ETV1: variants seen among roughly 807,000 people sequenced by gnomAD.
ETV1 encodes ETS variant transcription factor 1, also known as ETS translocation variant 1.
Under a neutral mutation model 62.3 loss-of-function variants are expected in ETV1, and 27 were observed. The ratio of observed to expected loss-of-function variants is 0.43; its 90% CI spans 0.32 to 0.60. ETV1 has a LOEUF of 0.60. ETV1 is among the 20% of genes least tolerant of loss of function. ETV1 has a pLI of 0.06. For missense variants in ETV1, 605 were observed against 605.8 expected (o/e 1.00, Z 0.01); for synonymous variants, 222 against 199.6 (o/e 1.11, Z -0.94).
chr7:13,918,595 T>C (rs544958567), intron 9 of ETV1, among the ~76,000 whole-genome samples: 46 of 151,050 alleles, frequency 3.0e-4, no homozygotes, highest in African/African-American at 1.0e-3. Flanking sequence ...ATGGATGAAA[T>C]TGGAAATCAT....
At chr7:13,915,563 TTA>T (rs1452148849) in intron 9 of ETV1, among the ~76,000 whole-genome samples, 1 of 152,176 alleles carries the variant, frequency 6.6e-6, no homozygotes, top group African/African-American at 2.4e-5. Flanking sequence ...AGCTCATAGT[TTA>T]TGTTTAAAAT....
chr7:13,906,366 A>C, intron 12 of ETV1, 64 bp downstream of exon 12: 6 of 1,107,964 alleles, frequency 5.4e-6, no homozygotes, highest in Non-Finnish European at 7.4e-6. Context: ...ATATTAATCA[A>C]ATGTGTCAGT....
At chr7:13,926,953 T>C (rs1785494486) in intron 9 of ETV1, among the ~76,000 whole-genome samples, 1 of 152,168 alleles carries the variant, frequency 6.6e-6, no homozygotes, top group Non-Finnish European at 1.5e-5. Context: ...TAATTATAAT[T>C]ATAACTAATA....
At chr7:13,923,401 A>T (rs1430562230) in intron 9 of ETV1, among the ~76,000 whole-genome samples, 1 of 152,210 alleles carries the variant, frequency 6.6e-6, no homozygotes, top group Non-Finnish European at 1.5e-5. Flanking sequence ...ATATAAAAAC[A>T]TTCCTCTCTT....
At chr7:13,923,402 T>C (rs993783531) in intron 9 of ETV1, among the ~76,000 whole-genome samples, 9 of 152,180 alleles carry the variant, frequency 5.9e-5, no homozygotes, top group Admixed American at 3.9e-4. Flanking sequence ...TATAAAAACA[T>C]TCCTCTCTTG....
At chr7:13,912,286 C>T (rs201340569) in intron 9 of ETV1, among the ~76,000 whole-genome samples, 10 of 152,222 alleles carry the variant, frequency 6.6e-5, no homozygotes, top group Middle Eastern at 3.4e-3. Context: ...GAGAAATTCA[C>T]TATTTAATGT....
chr7:13,900,249 G>C (rs533159151), intron 13 of ETV1: 1 of 152,590 alleles, frequency 6.6e-6, no homozygotes, highest in Non-Finnish European at 1.5e-5. Context: ...GAATGGTTTA[G>C]GATGTCAAAC....
At chr7:13,948,468 G>C (rs189483269) in intron 6 of ETV1, among the ~76,000 whole-genome samples, 1 of 152,258 alleles carries the variant, frequency 6.6e-6, no homozygotes, top group Admixed American at 6.5e-5. Flanking sequence ...GCGTTTTCTG[G>C]TCTGTTCAAA....
At chr7:13,923,548 G>T (rs1459970600) in intron 9 of ETV1, among the ~76,000 whole-genome samples, 2 of 152,080 alleles carry the variant, frequency 1.3e-5, no homozygotes, top group African/African-American at 2.4e-5. Context: ...TTAACATAAG[G>T]TAAATATTTT....
chr7:13,984,803 G>C (rs1782377250), intron 5 of ETV1, among the ~76,000 whole-genome samples: 1 of 151,816 alleles, frequency 6.6e-6, no homozygotes, highest in Admixed American at 6.6e-5. Context: ...CTTCAGGTTT[G>C]ATTTACAGGT....
chr7:13,940,203 A>G (rs1787315802), intron 6 of ETV1, among the ~76,000 whole-genome samples: 1 of 152,056 alleles, frequency 6.6e-6, no homozygotes, highest in Admixed American at 6.6e-5. Context: ...TCTCAACAAA[A>G]ATACAAAAAT....
At chr7:13,909,263 C>G (rs1407795304) in intron 11 of ETV1, among the ~76,000 whole-genome samples, 1 of 152,042 alleles carries the variant, frequency 6.6e-6, no homozygotes, top group Non-Finnish European at 1.5e-5. Context: ...TCGGTCCATC[C>G]ACAGCAGCAC....
intron 7 of ETV1, among the ~76,000 whole-genome samples, chr7:13,937,805 T>A (rs1446580806): frequency 1.3e-5 from 2 of 152,224 alleles, no homozygotes; most frequent in Admixed American, 1.3e-4. Flanking sequence ...TTATAAAACT[T>A]TGCAGTTTCA....
chr7:13,973,342 G>A (rs1286196740), intron 6 of ETV1, among the ~76,000 whole-genome samples: 2 of 152,038 alleles, frequency 1.3e-5, no homozygotes, highest in Non-Finnish European at 2.9e-5. Context: ...CACACAGAGG[G>A]GATGCAGTTT....
chr7:13,944,540 G>A (rs748043862), intron 6 of ETV1, among the ~76,000 whole-genome samples: 1 of 151,752 alleles, frequency 6.6e-6, no homozygotes, highest in African/African-American at 2.4e-5. Flanking sequence ...TTCAATATCC[G>A]AATTTGCTGG....
At chr7:13,928,904 G>A (rs563769663) in intron 9 of ETV1, among the ~76,000 whole-genome samples, 1 of 152,224 alleles carries the variant, frequency 6.6e-6, no homozygotes, top group African/African-American at 2.4e-5. Context: ...GTTGCAGTGA[G>A]CTGAGAATAC....
intron 9 of ETV1, among the ~76,000 whole-genome samples, chr7:13,917,641 A>G (rs1049385461): frequency 3.3e-5 from 5 of 151,314 alleles, no homozygotes; most frequent in African/African-American, 1.2e-4. Context: ...ATTTCATACT[A>G]CCATACTCTG....
intron 6 of ETV1, among the ~76,000 whole-genome samples, chr7:13,964,302 T>C (rs1790524234): frequency 1.3e-5 from 2 of 152,314 alleles, no homozygotes; most frequent in East Asian, 3.9e-4. Context: ...GGATGAGCCA[T>C]TTTTAACCAT....
intron 10 of ETV1, 77 bp downstream of exon 10, chr7:13,911,162 A>G: frequency 2.1e-6 from 2 of 965,012 alleles, no homozygotes; most frequent in South Asian, 2.8e-5. Flanking sequence ...ATAATGATTA[A>G]TTAAATGACG....
Sources: allele counts gnomAD v4.1 joint callset (sites outside exome capture counted in the v4.1 genomes callset), GRCh38; gene constraint gnomAD v4.1.1; transcripts MANE v1.5; gene names NCBI Gene and HGNC (gene_info 2026-07-23, HGNC 2026-07-21).